The following SEL1L variants were observed in gnomAD, a reference collection of about 807,000 sequenced individuals.
The protein encoded by SEL1L is protein sel-1 homolog 1.
SEL1L carries 52 observed loss-of-function variants against 109.8 expected under a neutral mutation model. That is an observed-to-expected ratio of 0.47 (90% CI 0.38 to 0.60). SEL1L has a LOEUF of 0.60. Ranked by LOEUF, SEL1L falls within the 20% of genes least tolerant of loss-of-function variation. The pLI is 0.00. For synonymous variants in SEL1L, 373 were observed against 339.6 expected, an observed-to-expected ratio of 1.10 and a Z score of -1.08; for missense variants, 749 against 962.2, an observed-to-expected ratio of 0.78 and a Z score of 2.93.
Position 81,479,063 on chromosome 14 carries a change from C to A in SEL1L, c.2175+549G>T, listed in dbSNP as rs1350913995. Among the ~76,000 whole-genome samples, 3 of 152,156 alleles carry A rather than the reference C, an allele frequency of 2.0e-5. No individual in the cohort carries two copies. The East Asian group carries it at 5.8e-4, about 29-fold the overall frequency. ...AGTACCTACATACCAGTATTGCCAA[C>A]TAAAGTTGGTAATTTTGAAGAAAAT... On this transcript the variant is annotated intron_variant, in intron 20 of 20. Coordinates refer to ENST00000336735, the MANE Select transcript of SEL1L (RefSeq NM_005065.6).
intron 2 of SEL1L, 116 bp from the exon 3 acceptor site, chr14:81,527,080 C>A: frequency 1.4e-6 from 1 of 736,174 alleles, no homozygotes; most frequent in Non-Finnish European, 2.4e-6. Flanking sequence ...TGAAGTGCCA[C>A]ACTCACTCAT....
intron 13 of SEL1L, 61 bp downstream of exon 13, chr14:81,490,327 T>C (rs1883489680): frequency 7.9e-7 from 1 of 1,268,242 alleles, no homozygotes; most frequent in Non-Finnish European, 1.1e-6. Context: ...ATATAACAAA[T>C]TCATTTATTA....
At chr14:81,510,987 T>C (rs951494729) in intron 3 of SEL1L, among the ~76,000 whole-genome samples, 2 of 152,218 alleles carry the variant, frequency 1.3e-5, no homozygotes, top group African/African-American at 4.8e-5. Flanking sequence ...AGTACCTGAC[T>C]TAAAGTAAGT....
chr14:81,482,537 C>T (rs1170650045), intron 19 of SEL1L, among the ~76,000 whole-genome samples: 2 of 152,054 alleles, frequency 1.3e-5, no homozygotes, highest in African/African-American at 4.8e-5. Flanking sequence ...ATCCGTCAGC[C>T]TTTCTGATAG....
At chr14:81,482,407 A>G (rs1903387215) in intron 19 of SEL1L, among the ~76,000 whole-genome samples, 1 of 152,164 alleles carries the variant, frequency 6.6e-6, no homozygotes, top group Admixed American at 6.5e-5. Flanking sequence ...AGCTGGGTGC[A>G]GGGGCTCATA....
chr14:81,497,674 T>C (rs765629788), intron 10 of SEL1L, among the ~76,000 whole-genome samples: 1 of 151,836 alleles, frequency 6.6e-6, no homozygotes, highest in Non-Finnish European at 1.5e-5. Context: ...GAACCCTCAA[T>C]GCCTAGGCCC....
rs1883871192 is a variant in SEL1L, at chr14:81,498,483, G to A, written c.903C>T (p.Tyr301=). ...TCTGGAGGACGCCGATGCCAGCCCA[G>A]TATCTGTAACCCTGTAAAACAACTT... ...LIAHMVLGYR[Y]WAGIGVLQSC... is the part of the protein sequence containing the mutation. The change falls in exon 9 of 21, where the codon TAC becomes TAT. Residue 301 remains tyrosine (Y), a synonymous_variant. Transcript: ENST00000336735. 5 of 1,613,856 alleles carry A rather than the reference G, an allele frequency of 3.1e-6. No individual in the cohort carries two copies. The highest frequency in any genetic ancestry group is 2.5e-6 in the Non-Finnish European group (3 of 1,179,810).
chr14:81,522,784 G>A (rs565400427), intron 3 of SEL1L, among the ~76,000 whole-genome samples: 4 of 152,192 alleles, frequency 2.6e-5, no homozygotes, highest in East Asian at 3.9e-4. Context: ...TATAACCTAC[G>A]CAATCCTCCT....
intron 1 of SEL1L, among the ~76,000 whole-genome samples, chr14:81,530,282 C>A (rs779970311): frequency 1.3e-5 from 2 of 152,184 alleles, no homozygotes; most frequent in Non-Finnish European, 2.9e-5. Flanking sequence ...TTCTAAATTT[C>A]TTCAATTCTG....
At chr14:81,501,120 G>T (rs1294252101) in intron 6 of SEL1L, among the ~76,000 whole-genome samples, 2 of 152,134 alleles carry the variant, frequency 1.3e-5, no homozygotes, top group Non-Finnish European at 2.9e-5. Flanking sequence ...ATCATGGCAT[G>T]GAAGCCCCGT....
chr14:81,480,662 G>T (rs1903324356), intron 19 of SEL1L, among the ~76,000 whole-genome samples: 1 of 152,162 alleles, frequency 6.6e-6, no homozygotes, highest in South Asian at 2.1e-4. Context: ...AGGTTGCAGT[G>T]AGCTGAGATG....
intron 3 of SEL1L, among the ~76,000 whole-genome samples, chr14:81,524,163 C>T (rs1159209274): frequency 6.6e-6 from 1 of 152,110 alleles, no homozygotes; most frequent in Non-Finnish European, 1.5e-5. Flanking sequence ...AGAAAGTCAC[C>T]ATTTTGCAAC....
intron 3 of SEL1L, among the ~76,000 whole-genome samples, chr14:81,510,472 A>ATCTCTCTCTC (rs374089460): frequency 6.1e-4 from 72 of 118,910 alleles, no homozygotes; most frequent in Admixed American, 1.2e-3. Context: ...TAGAATGCTG[A>ATCTCTCTCTC]TCTCTCTCTC....
rs1330054737 is a variant in SEL1L at position 81,497,225 on chromosome 14, G to T, written c.1128+667C>A. On this transcript the variant is annotated intron_variant, in intron 10 of 20. Transcript: ENST00000336735. The stretch of plus-strand genomic sequence containing the variant: ...TTTTTTCCTTAAGACTCCACTGCTA[G>T]TCTTAAAACCAACTGTTCTTAATAA... 5.9e-5 allele frequency among the ~76,000 whole-genome samples: 9 copies of T among 152,010 alleles called. No homozygotes were observed. In the South Asian group the frequency reaches 1.9e-3, roughly 32 times the overall value.
intron 2 of SEL1L, 82 bp from the exon 3 acceptor site, chr14:81,527,046 G>T: frequency 1.0e-6 from 1 of 963,762 alleles, no homozygotes; most frequent in Non-Finnish European, 1.6e-6. Flanking sequence ...TACTAATCCA[G>T]ATATCACATC....
At chr14:81,500,170 C>G (rs564603732) in intron 6 of SEL1L, among the ~76,000 whole-genome samples, 53 of 152,090 alleles carry the variant, frequency 3.5e-4, no homozygotes, top group African/African-American at 1.2e-3. Flanking sequence ...CTCAGCCTCC[C>G]AAACTGCTGA....
intron 20 of SEL1L, among the ~76,000 whole-genome samples, chr14:81,477,630 C>G (rs758679118): frequency 6.6e-6 from 1 of 152,104 alleles, no homozygotes; most frequent in South Asian, 2.1e-4. Flanking sequence ...CTGGCCAACA[C>G]GGTGAAATCC....
At position 81,506,078 on chromosome 14, in the gene SEL1L, A is replaced by G. The variant is rs1287614225; in HGVS notation, c.504T>C (p.Cys168=). 1 of 1,613,510 alleles carries G rather than the reference A, an allele frequency of 6.2e-7. No individual in the cohort carries two copies. The highest frequency in any genetic ancestry group is 2.2e-5 in the East Asian group (1 of 44,870). ...DYKADEKWGF[C]ETEEEAAKRR... The stretch of plus-strand genomic sequence containing the variant: ...CTCCTACTGAGCAATACTTACTTTC[A>G]CAAAAGCCCCACTTTTCATCTGCTT... The change falls in exon 4 of 21, where the codon TGT becomes TGC. Residue 168 remains cysteine, a synonymous_variant. Transcript: ENST00000336735.
At chr14:81,514,080 A>G (rs1033979104) in intron 3 of SEL1L, among the ~76,000 whole-genome samples, 1 of 152,148 alleles carries the variant, frequency 6.6e-6, no homozygotes, top group Admixed American at 6.5e-5. Context: ...AGTTTCTCCT[A>G]TGAGAATGAT....
Sources: allele counts gnomAD v4.1 joint callset (sites outside exome capture counted in the v4.1 genomes callset), GRCh38; gene constraint gnomAD v4.1.1; transcripts MANE v1.5; gene names NCBI Gene and HGNC (gene_info 2026-07-23, HGNC 2026-07-21).